BAAT: variants seen among roughly 807,000 people sequenced by gnomAD.
BAAT encodes the protein bile acid CoA: amino acid N-acyltransferase (glycine N-choloyltransferase).
Under a neutral mutation model 18.9 loss-of-function variants are expected in BAAT, and 13 were observed. That is an observed-to-expected ratio of 0.69 (90% CI 0.45 to 1.10). The LOEUF (loss-of-function observed/expected upper bound fraction) is 1.10. Among genes scored for constraint, BAAT ranks in the 50% least tolerant of loss-of-function variants. The pLI, the probability that BAAT is intolerant of heterozygous loss-of-function variation, is 0.00. For missense variants in BAAT, 489 were observed against 504.0 expected (o/e 0.97, Z 0.28); for synonymous variants, 170 against 190.7 (o/e 0.89, Z 0.89).
At chr9:101,364,200 T>G (rs1829786303) in intron 3 of BAAT, among the ~76,000 whole-genome samples, 1 of 152,194 alleles carries the variant, frequency 6.6e-6, no homozygotes, top group Non-Finnish European at 1.5e-5. Flanking sequence ...CTATTTCCCT[T>G]TCTCAGCCTC....
chr9:101,383,344 T>G (rs1278216842), intron 1 of BAAT: 1 of 152,200 alleles, frequency 6.6e-6, no homozygotes, highest in Non-Finnish European at 1.5e-5. Flanking sequence ...AAAAGACTAT[T>G]TGTCCTCATG....
At chr9:101,375,795 C>G (rs73657935) in intron 1 of BAAT, among the ~76,000 whole-genome samples, 4,376 of 152,294 alleles carry the variant, frequency 0.029, 218 homozygotes, top group African/African-American at 0.1. Flanking sequence ...AGGCAGGGAG[C>G]GCACTAGCTG....
chr9:101,365,510 A>C (rs145316899), intron 3 of BAAT, among the ~76,000 whole-genome samples: 288 of 151,832 alleles, frequency 1.9e-3, no homozygotes, highest in African/African-American at 6.7e-3. Context: ...GTATTTTTTT[A>C]ATTTTAATTT....
intron 3 of BAAT, among the ~76,000 whole-genome samples, chr9:101,364,694 A>G (rs1056637756): frequency 1.3e-5 from 2 of 152,212 alleles, no homozygotes; most frequent in African/African-American, 4.8e-5. Context: ...TAAGTCTGAA[A>G]CAGAAAACAC....
intron 3 of BAAT, among the ~76,000 whole-genome samples, chr9:101,366,122 C>G (rs142492093): frequency 6.6e-6 from 1 of 152,250 alleles, no homozygotes; most frequent in African/African-American, 2.4e-5. Context: ...ACCTACCTTT[C>G]TCCCCCACCC....
chr9:101,382,396 G>A (rs1355449389), intron 1 of BAAT, among the ~76,000 whole-genome samples: 10 of 152,094 alleles, frequency 6.6e-5, no homozygotes, highest in Non-Finnish European at 1.5e-4. Context: ...CACTGTGCAT[G>A]CCCACATCCC....
At position 101,362,333 on chromosome 9, in the gene BAAT, G is replaced by T. The variant is rs1829740955; in HGVS notation, c.*95C>A. The T allele has an allele frequency of 1.6e-6, 2 of 1,241,402 alleles. No homozygotes were observed. Among genetic ancestry groups the T allele is most frequent in the Non-Finnish European group, 2.3e-6 (2 of 867,802 alleles). The allele number at this position is 1,241,402 out of a possible 1,614,324, so 76.9% of individuals were successfully genotyped here. ...TCATTAAAATTAATACAAAATGTGT[G>T]TGTGGCAGCTGGGGGAGACATTCCG... On this transcript the variant is annotated 3_prime_UTR_variant, in exon 4 of 4. Coordinates refer to ENST00000259407, the MANE Select transcript of BAAT (RefSeq NM_001701.4).
intron 2 of BAAT, 60 bp from the exon 3 acceptor site, chr9:101,368,382 T>C: frequency 1.4e-6 from 2 of 1,453,906 alleles, no homozygotes; most frequent in Non-Finnish European, 1.9e-6. Context: ...ATAAGAAAAC[T>C]TGAAAATACA....
In BAAT at chr9:101,362,721, A is replaced by C. The variant is rs1296367999; in HGVS notation, c.964T>G (p.Phe322Val). 2.5e-6 allele frequency: 4 copies of C among 1,614,094 alleles called. No homozygotes were observed. Among genetic ancestry groups the C allele is most frequent in the Non-Finnish European group, 3.4e-6 (4 of 1,180,046 alleles). The change falls in exon 4 of 4, where the codon TTC becomes GTC. Residue 322 changes from phenylalanine to valine, a missense_variant. Coordinates refer to ENST00000259407, the MANE Select transcript of BAAT (RefSeq NM_001701.4). ...PIEEAQGQFL[F>V]IVGEGDKTIN... Reference sequence around the variant, plus strand: ...GTCTTATCACCTTCTCCTACAATGAAGAGGAATTGCCCCTGGGCCTCTTCA... The same window carrying C: ...GTCTTATCACCTTCTCCTACAATGACGAGGAATTGCCCCTGGGCCTCTTCA...
At chr9:101,363,282 G>T (rs147093030) in intron 3 of BAAT, among the ~76,000 whole-genome samples, 3 of 152,130 alleles carry the variant, frequency 2.0e-5, no homozygotes, top group African/African-American at 4.8e-5. Flanking sequence ...TGCAAATGTC[G>T]CAGGGAAAGT....
chr9:101,370,794 T>A (rs1391846918), intron 2 of BAAT, 145 bp downstream of exon 2: 2 of 911,558 alleles, frequency 2.2e-6, no homozygotes, highest in Non-Finnish European at 3.5e-6. Context: ...GTTAAATTTC[T>A]GGAGGGATAA....
chr9:101,364,009 A>G (rs2119015874), intron 3 of BAAT, among the ~76,000 whole-genome samples: 1 of 152,154 alleles, frequency 6.6e-6, no homozygotes, highest in East Asian at 1.9e-4. Context: ...ACCCTGTCTC[A>G]AGAAATAAAA....
intron 1 of BAAT, among the ~76,000 whole-genome samples, chr9:101,374,237 C>CTT (rs1830002599): frequency 1.3e-5 from 2 of 152,208 alleles, no homozygotes; most frequent in Non-Finnish European, 2.9e-5. Context: ...CAACTTGCTA[C>CTT]TTGCTCTCAT....
At chr9:101,369,036 C>T (rs183247174) in intron 2 of BAAT, among the ~76,000 whole-genome samples, 1 of 152,238 alleles carries the variant, frequency 6.6e-6, no homozygotes, top group East Asian at 1.9e-4. Flanking sequence ...TTTTTGCAGG[C>T]TGACACGTGG....
At chr9:101,363,086 C>T (rs1454257379) in intron 3 of BAAT, 71 bp from the exon 4 acceptor site, 6 of 1,410,564 alleles carry the variant, frequency 4.3e-6, no homozygotes, top group African/African-American at 2.8e-5. Context: ...CTCAAACAAC[C>T]AAAGAACTTC....
At chr9:101,374,846 A>G (rs79001392) in intron 1 of BAAT, among the ~76,000 whole-genome samples, 1 of 152,030 alleles carries the variant, frequency 6.6e-6, no homozygotes, top group Admixed American at 6.6e-5. Flanking sequence ...TATTTAAAAA[A>G]AAAAACCTTC....
At chr9:101,383,469 C>G (rs536309554) in intron 1 of BAAT, 44 of 152,262 alleles carry the variant, frequency 2.9e-4, no homozygotes, top group African/African-American at 1.1e-3. Flanking sequence ...ATACAAAGTA[C>G]CTGGATTCTT....
chr9:101,374,467 A>T lies in BAAT; in HGVS notation c.-59-3004T>A, dbSNP rs1830006221. ...ACCTGAAAAGTGAACCAAGTTTCAG[A>T]TATTTTCATAAATCTTGAAACTCCA... On this transcript the variant is annotated intron_variant, in intron 1 of 3. Coordinates refer to ENST00000259407, the MANE Select transcript of BAAT (RefSeq NM_001701.4). Among the ~76,000 whole-genome samples, 4 of 152,192 alleles carry T rather than the reference A, an allele frequency of 2.6e-5. No individual in the cohort carries two copies. The South Asian group carries it at 8.3e-4, about 31-fold the overall frequency.
chr9:101,361,844 G>A lies in BAAT; in HGVS notation c.*584C>T, dbSNP rs1385501169. On this transcript the variant is annotated 3_prime_UTR_variant, in exon 4 of 4. Transcript: ENST00000259407. Reference sequence around the variant, plus strand: ...GTCTTAGTTATTATGTCTCAGTTATGTGCCAATGGGCATGTTTTTAAGAAC... The same window carrying A: ...GTCTTAGTTATTATGTCTCAGTTATATGCCAATGGGCATGTTTTTAAGAAC... The A allele has an allele frequency of 6.4e-6, 1 of 155,180 alleles. No homozygotes were observed. The highest frequency in any genetic ancestry group is 1.4e-5 in the Non-Finnish European group (1 of 69,826). The allele number at this position is 155,180 out of a possible 1,614,324, so 9.6% of individuals were successfully genotyped here.
Sources: allele counts gnomAD v4.1 joint callset (sites outside exome capture counted in the v4.1 genomes callset), GRCh38; gene constraint gnomAD v4.1.1; transcripts MANE v1.5; gene names NCBI Gene and HGNC (gene_info 2026-07-23, HGNC 2026-07-21).